Variants in CSMD1 observed in about 807,000 individuals in gnomAD.
The protein encoded by CSMD1 is CUB and sushi domain-containing protein 1.
In CSMD1, 213 loss-of-function variants were observed where a neutral mutation model predicts 417.5. That is an observed-to-expected ratio of 0.51 (90% CI 0.46 to 0.57). The LOEUF (loss-of-function observed/expected upper bound fraction) is 0.57, where lower values mean the gene tolerates loss of function less well. CSMD1 is among the 20% of genes least tolerant of loss of function. CSMD1 has a pLI of 0.00. For synonymous variants in CSMD1, 2,862 were observed against 1,736.8 expected (o/e 1.65, Z -16.11); for missense variants, 6,923 against 4,529.7 (o/e 1.53, Z -15.17).
chr8:4,140,892 A>G (rs558288736), intron 3 of CSMD1, among the ~76,000 whole-genome samples: 2 of 151,242 alleles, frequency 1.3e-5, no homozygotes, highest in Non-Finnish European at 2.9e-5. Flanking sequence ...TCGCCAATGC[A>G]CAGGCTCAGT....
chr8:4,629,290 T>G (rs1802361225), intron 2 of CSMD1, among the ~76,000 whole-genome samples: 1 of 152,182 alleles, frequency 6.6e-6, no homozygotes, highest in Non-Finnish European at 1.5e-5. Flanking sequence ...CCAATAGACA[T>G]GAAAACATGT....
intron 10 of CSMD1, among the ~76,000 whole-genome samples, chr8:3,536,678 G>C (rs1007496468): frequency 3.9e-5 from 6 of 152,160 alleles, no homozygotes; most frequent in African/African-American, 1.4e-4. Flanking sequence ...TGTAGGCACA[G>C]AGCAATAGGA....
At chr8:4,524,009 G>C (rs1033003641) in intron 2 of CSMD1, among the ~76,000 whole-genome samples, 1 of 151,964 alleles carries the variant, frequency 6.6e-6, no homozygotes, top group South Asian at 2.1e-4. Flanking sequence ...GTTAGGTTTT[G>C]GATCTCCAAC....
chr8:4,408,145 G>T (rs955838782), intron 3 of CSMD1, among the ~76,000 whole-genome samples: 1 of 152,176 alleles, frequency 6.6e-6, no homozygotes, highest in African/African-American at 2.4e-5. Context: ...GAGTACACAT[G>T]TGATTTAAAT....
At chr8:4,044,663 C>T (rs1466785246) in intron 3 of CSMD1, among the ~76,000 whole-genome samples, 2 of 132,064 alleles carry the variant, frequency 1.5e-5, no homozygotes, top group East Asian at 2.2e-4. Context: ...CCACCCTGGG[C>T]GTGTACCACC....
At chr8:3,737,968 A>G (rs1242898180) in intron 6 of CSMD1, among the ~76,000 whole-genome samples, 1 of 152,232 alleles carries the variant, frequency 6.6e-6, no homozygotes, top group Non-Finnish European at 1.5e-5. Context: ...CAACTAAATT[A>G]CTTGTAATAA....
intron 7 of CSMD1, among the ~76,000 whole-genome samples, chr8:3,669,557 G>A (rs566900951): frequency 3.3e-5 from 5 of 152,182 alleles, no homozygotes; most frequent in Non-Finnish European, 7.3e-5. Flanking sequence ...GTTTTCAGAA[G>A]GAGGGGAATG....
intron 7 of CSMD1, among the ~76,000 whole-genome samples, chr8:3,643,597 C>A (rs561412850): frequency 5.7e-4 from 84 of 147,566 alleles, no homozygotes; most frequent in Admixed American, 9.7e-4. Context: ...ACTACCCGGG[C>A]GGCTGAGGCA....
intron 12 of CSMD1, among the ~76,000 whole-genome samples, chr8:3,414,795 C>T (rs1039212934): frequency 6.6e-6 from 1 of 152,198 alleles, no homozygotes; most frequent in Non-Finnish European, 1.5e-5. Flanking sequence ...AGCCTTCACA[C>T]CTGCTGTAAA....
intron 10 of CSMD1, among the ~76,000 whole-genome samples, chr8:3,569,587 C>T (rs950225647): frequency 6.6e-6 from 1 of 152,188 alleles, no homozygotes; most frequent in African/African-American, 2.4e-5. Context: ...ATCCAAAATG[C>T]TTCACTGATG....
chr8:3,321,289 G>A (rs764402173), intron 23 of CSMD1, among the ~76,000 whole-genome samples: 3 of 152,074 alleles, frequency 2.0e-5, no homozygotes, highest in Non-Finnish European at 4.4e-5. Context: ...GTCTTCTAAG[G>A]ATCCTGCCAT....
At chr8:4,939,879 T>A (rs1159453144) in intron 1 of CSMD1, among the ~76,000 whole-genome samples, 1 of 152,214 alleles carries the variant, frequency 6.6e-6, no homozygotes, top group Non-Finnish European at 1.5e-5. Flanking sequence ...CCACAATGTA[T>A]ACCTATTTCT....
rs143137564 is a variant in CSMD1, at chr8:3,260,590, T to C, written c.4153+23554A>G. Among the ~76,000 whole-genome samples, 80 of 151,478 alleles carry C rather than the reference T, an allele frequency of 5.3e-4. 1 individual carries two copies. In the East Asian group the frequency reaches 0.015, roughly 29 times the overall value. On this transcript the variant is annotated intron_variant, in intron 26 of 69. Coordinates refer to ENST00000635120, the MANE Select transcript of CSMD1 (RefSeq NM_033225.6). ...AGGGTCCACCGAGAACAAACCCCCC[T>C]CGAAGAGCAGAGGCTGAGGATGGCT... is the stretch of plus-strand genomic sequence containing the variant.
chr8:3,912,851 G>A (rs979746909), intron 5 of CSMD1, among the ~76,000 whole-genome samples: 8 of 152,164 alleles, frequency 5.3e-5, no homozygotes, highest in African/African-American at 1.9e-4. Flanking sequence ...TGAGAGTTCT[G>A]GAGGGGGCGT....
intron 7 of CSMD1, among the ~76,000 whole-genome samples, chr8:3,635,063 G>A (rs1326101894): frequency 6.6e-6 from 1 of 152,040 alleles, no homozygotes; most frequent in African/African-American, 2.4e-5. Flanking sequence ...AAAAAAATGG[G>A]ATGCCTATAT....
At chr8:4,186,768 C>T (rs930566557) in intron 3 of CSMD1, among the ~76,000 whole-genome samples, 1 of 151,506 alleles carries the variant, frequency 6.6e-6, no homozygotes, top group Non-Finnish European at 1.5e-5. Context: ...GGGTGGATCA[C>T]TTGAGGTCAG....
intron 18 of CSMD1, chr8:3,373,766 T>C (rs1182882690): frequency 6.6e-6 from 1 of 152,194 alleles, no homozygotes; most frequent in East Asian, 1.9e-4. Context: ...GTTGCTGTCC[T>C]TAATGCTATA....
intron 7 of CSMD1, among the ~76,000 whole-genome samples, chr8:3,678,727 C>G (rs11774485): frequency 2.0e-5 from 3 of 152,050 alleles, no homozygotes; most frequent in African/African-American, 7.2e-5. Flanking sequence ...CTCCAAGACA[C>G]ATAATTGTCA....
intron 4 of CSMD1, among the ~76,000 whole-genome samples, chr8:4,008,713 T>A (rs1052124251): frequency 7.0e-6 from 1 of 143,590 alleles, no homozygotes; most frequent in Non-Finnish European, 1.5e-5. Context: ...CGGGTTCACA[T>A]CATTCTCCTG....
Sources: gnomAD v4.1 joint callset for allele counts (sites outside exome capture counted in the v4.1 genomes callset) on GRCh38, gnomAD v4.1.1 for gene constraint, MANE v1.5 for transcripts, NCBI Gene and HGNC (gene_info 2026-07-23, HGNC 2026-07-21) for gene names.